Variants in KIAA0825 observed in about 807,000 individuals in gnomAD.
The protein encoded by KIAA0825 is KIAA0825, also known as uncharacterized protein KIAA0825.
A neutral mutation model predicts 147.6 loss-of-function variants in KIAA0825; 119 were observed. The observed-to-expected ratio is 0.81, with a 90% CI of 0.69 to 0.94. The LOEUF is 0.94. Among genes scored for constraint, KIAA0825 ranks in the 40% least tolerant of loss-of-function variants. The probability of loss-of-function intolerance (pLI) is 0.00; values close to 1 mark genes in which losing one functional copy is unlikely to be tolerated. For synonymous variants in KIAA0825, 470 were observed against 518.1 expected, an observed-to-expected ratio of 0.91 and a Z score of 1.26; for missense variants, 1,381 against 1,472.7, an observed-to-expected ratio of 0.94 and a Z score of 1.02.
chr5:94,597,508 A>G (rs77677894), intron 1 of KIAA0825, among the ~76,000 whole-genome samples: 1,825 of 152,282 alleles, frequency 0.012, 33 homozygotes, highest in African/African-American at 0.041. Flanking sequence ...CATATGATGC[A>G]TAAAAGTGTT....
chr5:94,306,978 T>C (rs1584057124), intron 20 of KIAA0825, among the ~76,000 whole-genome samples: 3 of 151,936 alleles, frequency 2.0e-5, no homozygotes, highest in Admixed American at 2.0e-4. Context: ...CTTAGGTTCA[T>C]GTATCTATAC....
intron 20 of KIAA0825, among the ~76,000 whole-genome samples, chr5:94,324,055 G>A (rs1780450669): frequency 6.6e-6 from 1 of 151,996 alleles, no homozygotes; most frequent in Admixed American, 6.6e-5. Context: ...GCATTGATTA[G>A]ATTGCCTCCA....
At chr5:94,536,896 A>G in intron 3 of KIAA0825, 100 bp downstream of exon 3, 1 of 797,062 alleles carries the variant, frequency 1.3e-6, no homozygotes, top group Non-Finnish European at 1.9e-6. Context: ...ATGATAATTA[A>G]AACCTAAAAT....
chr5:94,367,097 GC>G (rs1389602826), intron 20 of KIAA0825, among the ~76,000 whole-genome samples: 2 of 152,198 alleles, frequency 1.3e-5, no homozygotes, highest in Non-Finnish European at 2.9e-5. Flanking sequence ...ACATGCCAGG[GC>G]AAATATTTAG....
At chr5:94,609,947 TG>T (rs1485003900) in intron 1 of KIAA0825, among the ~76,000 whole-genome samples, 1 of 152,172 alleles carries the variant, frequency 6.6e-6, no homozygotes, top group African/African-American at 2.4e-5. Context: ...TTGGAAGAAC[TG>T]AACTGCCATG....
At chr5:94,581,352 C>G (rs975816958) in intron 2 of KIAA0825, among the ~76,000 whole-genome samples, 1 of 152,180 alleles carries the variant, frequency 6.6e-6, no homozygotes, top group African/African-American at 2.4e-5. Flanking sequence ...TTAGCTGTCT[C>G]TCACCTCCAG....
At chr5:94,252,109 A>G in intron 20 of KIAA0825, among the ~76,000 whole-genome samples, 1 of 152,090 alleles carries the variant, frequency 6.6e-6, no homozygotes, top group Non-Finnish European at 1.5e-5. Context: ...ATCTTATGCT[A>G]TTAAAATCAT....
At chr5:94,592,107 C>G (rs1391590077) in intron 1 of KIAA0825, among the ~76,000 whole-genome samples, 1 of 152,186 alleles carries the variant, frequency 6.6e-6, no homozygotes, top group Non-Finnish European at 1.5e-5. Context: ...ATTTCAAAAC[C>G]AATCAGGCCT....
At position 94,396,160 on chromosome 5, in the gene KIAA0825, C is replaced by A; in HGVS notation, c.3237G>T (p.Gln1079His). The change falls in exon 17 of 21, where the codon CAG (glutamine) becomes CAT (histidine). Residue 1079 changes from glutamine (Q) to histidine (H), a missense_variant. Transcript: ENST00000682413. ...MIQKVIQSIEQQKPNWIERQL... is the reference protein window; with the variant it reads ...MIQKVIQSIEHQKPNWIERQL... Reference sequence around the variant, plus strand: ...GACGTTCAATCCAGTTGGGCTTCTGCTGCTCAATGCTCTGTATGACCTTTT... The same window carrying A: ...GACGTTCAATCCAGTTGGGCTTCTGATGCTCAATGCTCTGTATGACCTTTT... 1 of 1,539,082 alleles carries A rather than the reference C, an allele frequency of 6.5e-7. No individual in the cohort carries two copies.
intron 20 of KIAA0825, among the ~76,000 whole-genome samples, chr5:94,303,253 T>A (rs1226863836): frequency 1.3e-5 from 2 of 151,956 alleles, no homozygotes; most frequent in South Asian, 2.1e-4. Flanking sequence ...TTCAACAATA[T>A]CTCAAAACTA....
intron 20 of KIAA0825, among the ~76,000 whole-genome samples, chr5:94,272,229 T>C (rs545630315): frequency 6.6e-6 from 1 of 151,218 alleles, no homozygotes; most frequent in East Asian, 1.9e-4. Flanking sequence ...GGATGGTTAA[T>C]GGGCACAAAA....
intron 15 of KIAA0825, among the ~76,000 whole-genome samples, chr5:94,406,452 C>A (rs1160350796): frequency 6.6e-6 from 1 of 152,078 alleles, no homozygotes; most frequent in African/African-American, 2.4e-5. Flanking sequence ...AATTAGAAAG[C>A]CATTAATTTT....
chr5:94,382,275 T>G (rs1404861295), intron 20 of KIAA0825, among the ~76,000 whole-genome samples: 2 of 152,168 alleles, frequency 1.3e-5, no homozygotes, highest in Admixed American at 1.3e-4. Context: ...GGTCTAATTT[T>G]CAAGTATGTA....
At chr5:94,411,774 C>G (rs1208543248) in intron 15 of KIAA0825, among the ~76,000 whole-genome samples, 1 of 151,740 alleles carries the variant, frequency 6.6e-6, no homozygotes, top group East Asian at 1.9e-4. Flanking sequence ...TAGTGAGACC[C>G]CACTTCTACT....
chr5:94,465,463 T>C (rs1183096496), intron 10 of KIAA0825, among the ~76,000 whole-genome samples: 2 of 152,234 alleles, frequency 1.3e-5, no homozygotes, highest in African/African-American at 4.8e-5. Flanking sequence ...CTGAGCCTAT[T>C]AGCATCATTA....
intron 2 of KIAA0825, among the ~76,000 whole-genome samples, chr5:94,563,696 GTTTT>G (rs1310636749): frequency 6.6e-6 from 1 of 151,770 alleles, no homozygotes; most frequent in Non-Finnish European, 1.5e-5. Flanking sequence ...TTTTTTTTAT[GTTTT>G]TTGAGACAGA....
chr5:94,329,015 C>T (rs929927392), intron 20 of KIAA0825, among the ~76,000 whole-genome samples: 3 of 151,998 alleles, frequency 2.0e-5, no homozygotes, highest in African/African-American at 7.2e-5. Flanking sequence ...TGGGGAAATA[C>T]TATGCAACTT....
chr5:94,151,901 C>T lies in KIAA0825; in HGVS notation c.*2106G>A, dbSNP rs1766528207. The stretch of plus-strand genomic sequence containing the variant: ...AGCACAGTTATGCAGATTTAGTACA[C>T]AGACCACCACTTAGCTGAAGGAATA... On this transcript the variant is annotated 3_prime_UTR_variant, in exon 21 of 21. Transcript: ENST00000682413. 1.3e-5 allele frequency among the ~76,000 whole-genome samples: 2 copies of T among 152,130 alleles called. No individual in the cohort carries two copies. Among genetic ancestry groups the T allele is most frequent in the African/African-American group, 4.8e-5 (2 of 41,436 alleles).
intron 20 of KIAA0825, among the ~76,000 whole-genome samples, chr5:94,373,922 A>T (rs1036534686): frequency 2.1e-5 from 3 of 145,790 alleles, no homozygotes; most frequent in African/African-American, 7.3e-5. Flanking sequence ...GATATCCAAT[A>T]GTCATCAATA....
Sources: allele counts gnomAD v4.1 joint callset (sites outside exome capture counted in the v4.1 genomes callset), GRCh38; gene constraint gnomAD v4.1.1; transcripts MANE v1.5; gene names NCBI Gene and HGNC (gene_info 2026-07-23, HGNC 2026-07-21).